Variants in FKBP1A observed in about 807,000 individuals in gnomAD.
FKBP1A encodes the protein FKBP prolyl isomerase 1A.
In FKBP1A, 5 loss-of-function variants were observed where a neutral mutation model predicts 14.2. The observed-to-expected ratio is 0.35, with a 90% CI of 0.18 to 0.74. The LOEUF is 0.74. Ranked by LOEUF, FKBP1A falls within the 30% of genes least tolerant of loss-of-function variation. FKBP1A has a pLI of 0.56. For missense variants in FKBP1A, 53 were observed against 138.8 expected, an observed-to-expected ratio of 0.38 and a Z score of 3.10; for synonymous variants, 42 against 49.1, an observed-to-expected ratio of 0.86 and a Z score of 0.60.
chr20:1,384,648 G>A (rs1345522130), intron 2 of FKBP1A, among the ~76,000 whole-genome samples: 1 of 152,168 alleles, frequency 6.6e-6, no homozygotes, highest in Non-Finnish European at 1.5e-5. Context: ...CATTTAGATA[G>A]GCAAAAGATA....
chr20:1,381,966 GCT>G (rs1256535541), intron 2 of FKBP1A, among the ~76,000 whole-genome samples: 1 of 152,188 alleles, frequency 6.6e-6, no homozygotes. Context: ...AATTTATGAA[GCT>G]GTACATTTTT....
At chr20:1,375,798 C>A (rs1251851242) in intron 2 of FKBP1A, among the ~76,000 whole-genome samples, 195 bp from the exon 3 acceptor site, 1 of 152,102 alleles carries the variant, frequency 6.6e-6, no homozygotes, top group Non-Finnish European at 1.5e-5. Flanking sequence ...TGTGAATGCT[C>A]TTCCCTGACT....
chr20:1,392,988 T>C lies in FKBP1A; in HGVS notation c.11A>G (p.Gln4Arg). 5 of 1,479,264 alleles carry C rather than the reference T, an allele frequency of 3.4e-6. No homozygotes were observed. The highest frequency in any genetic ancestry group is 2.6e-5 in the East Asian group (1 of 37,814). 91.6% of individuals were successfully genotyped at this position (1,479,264 alleles called of 1,614,324 possible). A position where few individuals can be genotyped will look rare whatever the true frequency, so the allele number is the denominator to read the frequency against. ...GTCTCCTGGGGAGATGGTTTCCACC[T>C]GCACTCCCATGGCGGCGGCGGACGC... is the stretch of plus-strand genomic sequence containing the variant. Reference protein sequence around the residue: MGVQVETISPGDGR... With the variant: MGVRVETISPGDGR... The change falls in exon 1 of 5, where the codon CAG becomes CGG. Residue 4 changes from glutamine (Q) to arginine (R), a missense_variant. By Grantham distance (43) the Gln-to-Arg change is conservative. This residue lies in a region of FKBP1A where 18 missense variants were observed against 20.6 expected (regional missense o/e 0.87). Transcript: ENST00000400137.
intron 2 of FKBP1A, among the ~76,000 whole-genome samples, chr20:1,385,100 T>TA (rs2089655411): frequency 6.6e-6 from 1 of 152,026 alleles, no homozygotes; most frequent in African/African-American, 2.4e-5. Flanking sequence ...GAGAAAGAAA[T>TA]ACCACTAGGC....
Position 1,386,516 on chromosome 20 carries a change from C to T in FKBP1A, c.85+6318G>A, listed in dbSNP as rs113349171. Among the ~76,000 whole-genome samples, 1,998 of 152,170 alleles carry T rather than the reference C, an allele frequency of 0.013. 53 individuals are homozygous for T. The highest frequency in any genetic ancestry group is 0.045 in the African/African-American group (1,855 of 41,486). On this transcript the variant is annotated intron_variant, in intron 2 of 4. Transcript: ENST00000400137. This position sits in a 1 kb window ranked among gnomAD's most constrained non-coding sequence, Gnocchi z 4.7. ...GGGAAAGAGCAGATGTTTAACTACA[C>T]GGATCCTGACTATGATGGGGGCTAA...
In FKBP1A at chr20:1,389,782, C is replaced by A. The variant is rs1297135028; in HGVS notation, c.85+3052G>T. ...GTCTAAACCTAGCTGTGTGCCAGGA[C>A]AAGCTAACAGTAAAGATGACGAAGC... On this transcript the variant is annotated intron_variant, in intron 2 of 4. Coordinates refer to ENST00000400137, the MANE Select transcript of FKBP1A (RefSeq NM_000801.5). Among the ~76,000 whole-genome samples, 3 of 152,350 alleles carry A rather than the reference C, an allele frequency of 2.0e-5. No individual in the cohort carries two copies. The East Asian group carries it at 5.8e-4, about 29-fold the overall frequency.
chr20:1,369,328 G>C lies in FKBP1A; in HGVS notation c.*781C>G, dbSNP rs1770654967. On this transcript the variant is annotated 3_prime_UTR_variant, in exon 5 of 5. Transcript: ENST00000400137. Reference sequence around the variant, plus strand: ...AAGATTTAGGAAGTGGTGGAGCTTGGAAAGTTATGAGATTACAAAATTCCT... The same window carrying C: ...AAGATTTAGGAAGTGGTGGAGCTTGCAAAGTTATGAGATTACAAAATTCCT... The C allele has an allele frequency of 6.0e-6, 1 of 165,820 alleles. No individual in the cohort carries two copies. The highest frequency in any genetic ancestry group is 2.4e-5 in the African/African-American group (1 of 40,950). The allele number at this position is 165,820 out of a possible 1,614,324, so 10.3% of individuals were successfully genotyped here.
chr20:1,389,955 T>C (rs1375327661), intron 2 of FKBP1A, among the ~76,000 whole-genome samples: 2 of 152,176 alleles, frequency 1.3e-5, no homozygotes. Context: ...ACTTTGTATT[T>C]TCCCTCTGGT....
intron 4 of FKBP1A, among the ~76,000 whole-genome samples, chr20:1,371,393 T>C (rs1358490898): frequency 6.6e-6 from 1 of 152,176 alleles, no homozygotes; most frequent in African/African-American, 2.4e-5. Flanking sequence ...TTCCTTACTG[T>C]TGCACAATAA....
intron 3 of FKBP1A, among the ~76,000 whole-genome samples, chr20:1,373,549 T>A (rs955066125): frequency 2.0e-5 from 3 of 152,220 alleles, no homozygotes; most frequent in Non-Finnish European, 4.4e-5. Flanking sequence ...ATTTAAAAGA[T>A]ATTTTATGTA....
intron 2 of FKBP1A, chr20:1,377,797 C>T (rs758221234): frequency 6.6e-6 from 1 of 152,208 alleles, no homozygotes; most frequent in African/African-American, 2.4e-5. Flanking sequence ...CTCCAAGGCT[C>T]AGTAACCCAC....
intron 2 of FKBP1A, among the ~76,000 whole-genome samples, chr20:1,382,425 A>G (rs908212286): frequency 1.3e-5 from 2 of 152,226 alleles, no homozygotes; most frequent in Non-Finnish European, 2.9e-5. Context: ...GTACAAGCCT[A>G]TAACTCATGC....
intron 2 of FKBP1A, among the ~76,000 whole-genome samples, chr20:1,381,570 T>G (rs2089616713): frequency 6.6e-6 from 1 of 152,212 alleles, no homozygotes. Context: ...ATTCTGATCT[T>G]GAGTATTTAT....
chr20:1,380,968 G>C (rs2089611060), intron 2 of FKBP1A, among the ~76,000 whole-genome samples: 1 of 152,104 alleles, frequency 6.6e-6, no homozygotes, highest in Admixed American at 6.5e-5. Context: ...AACTCAAAAT[G>C]GATCCTAGAC....
chr20:1,376,609 G>A (rs1027082047), intron 2 of FKBP1A, among the ~76,000 whole-genome samples: 4 of 152,062 alleles, frequency 2.6e-5, no homozygotes, highest in Non-Finnish European at 5.9e-5. Context: ...ACACATGAAC[G>A]AATGCAATTC....
intron 2 of FKBP1A, among the ~76,000 whole-genome samples, chr20:1,387,907 A>G (rs2089684933): frequency 1.3e-5 from 2 of 152,236 alleles, no homozygotes; most frequent in Admixed American, 1.3e-4. Flanking sequence ...GAAGGATAAC[A>G]GCTAATAAAT....
At position 1,380,032 on chromosome 20, in the gene FKBP1A, C is replaced by T. The variant is rs923406178; in HGVS notation, c.86-4429G>A. On this transcript the variant is annotated intron_variant, in intron 2 of 4. Coordinates refer to ENST00000400137, the MANE Select transcript of FKBP1A (RefSeq NM_000801.5). ...TTCCATTTCTGGTCACGGTGGAGGA[C>T]AAGGATCAGATTTGTTCATGAAACA... 6.6e-5 allele frequency among the ~76,000 whole-genome samples: 10 copies of T among 152,098 alleles called. No homozygotes were observed. The South Asian group carries it at 1.5e-3, about 22-fold the overall frequency.
rs777663653 is a variant in FKBP1A at position 1,392,877 on chromosome 20, G to A, written c.42C>T (p.Arg14=). ...AGGTCTGGCCGCGCTTGGGGAAGGT[G>A]CGCCCTGAGGAGACAGAGACGGGCA... is the stretch of plus-strand genomic sequence containing the variant. The part of the protein sequence containing the change: ...QVETISPGDG[R]TFPKRGQTCV... The change falls in exon 2 of 5, where the codon CGC becomes CGT. Residue 14 remains arginine (R), a synonymous_variant. Coordinates refer to ENST00000400137, the MANE Select transcript of FKBP1A (RefSeq NM_000801.5). 9.1e-6 allele frequency: 14 copies of A among 1,534,158 alleles called. No individual in the cohort carries two copies. The South Asian group carries it at 1.6e-4, about 17-fold the overall frequency.
chr20:1,371,671 T>C lies in FKBP1A; in HGVS notation c.*36+405A>G, dbSNP rs576754673. The C allele has an allele frequency of 4.1e-6, 4 of 979,170 alleles. No homozygotes were observed. The African/African-American group carries it at 7.0e-5, about 17-fold the overall frequency. 60.7% of individuals were successfully genotyped at this position (979,170 alleles called of 1,614,324 possible). A position where few individuals can be genotyped will look rare whatever the true frequency, so the allele number is the denominator to read the frequency against. ...ACATGATATTCATATCCAAAGGGCT[T>C]TTTTTTTCCCCCTCTAGCTTCTAGA... On this transcript the variant is annotated intron_variant, in intron 4 of 4. Coordinates refer to ENST00000400137, the MANE Select transcript of FKBP1A (RefSeq NM_000801.5).
Sources: allele counts gnomAD v4.1 joint callset (sites outside exome capture counted in the v4.1 genomes callset), GRCh38; gene constraint gnomAD v4.1.1; regional missense constraint gnomAD v4.1.1; non-coding constraint Gnocchi (gnomAD v3.1); transcripts MANE v1.5; gene names NCBI Gene and HGNC (gene_info 2026-07-23, HGNC 2026-07-21).